LMF1: variants seen among roughly 807,000 people sequenced by gnomAD.
LMF1 encodes lipase maturation factor 1, also known as transmembrane protein 112.
Under a neutral mutation model 60.6 loss-of-function variants are expected in LMF1, and 68 were observed. The ratio of observed to expected loss-of-function variants is 1.12; its 90% CI spans 0.92 to 1.37. The LOEUF (loss-of-function observed/expected upper bound fraction) is 1.37. Ranked by LOEUF, LMF1 falls within the 40% of genes most tolerant of loss-of-function variation. The probability of loss-of-function intolerance (pLI) is 0.00; values close to 1 mark genes in which losing one functional copy is unlikely to be tolerated. For synonymous variants in LMF1, 418 were observed against 324.7 expected, an observed-to-expected ratio of 1.29 and a Z score of -3.09; for missense variants, 948 against 767.2, an observed-to-expected ratio of 1.24 and a Z score of -2.78.
At chr16:963,508 C>T (rs2072858901) in intron 1 of LMF1, among the ~76,000 whole-genome samples, 1 of 151,974 alleles carries the variant, frequency 6.6e-6, no homozygotes, top group Admixed American at 6.5e-5. Flanking sequence ...TGCACATGTA[C>T]ACATGTATGT....
chr16:940,874 A>T (rs957681784), intron 2 of LMF1, among the ~76,000 whole-genome samples: 2 of 152,144 alleles, frequency 1.3e-5, no homozygotes, highest in African/African-American at 2.4e-5. Context: ...TTGTTCTTTC[A>T]ATTATTGAAA....
chr16:934,125 T>C (rs1475172831), intron 3 of LMF1, 119 bp downstream of exon 3: 4 of 1,575,064 alleles, frequency 2.5e-6, no homozygotes, highest in African/African-American at 2.7e-5. Flanking sequence ...CCGTGCATAC[T>C]GGGAAGGCTG....
intron 4 of LMF1, among the ~76,000 whole-genome samples, chr16:908,191 C>T (rs780125955): frequency 6.6e-6 from 1 of 152,252 alleles, no homozygotes; most frequent in African/African-American, 2.4e-5. Context: ...GGACCCACAG[C>T]CTGTGAGAAT....
chr16:921,320 C>A (rs139104182), intron 3 of LMF1, among the ~76,000 whole-genome samples: 2 of 152,220 alleles, frequency 1.3e-5, no homozygotes, highest in East Asian at 3.9e-4. Flanking sequence ...GGTGAACAGT[C>A]GCCATAGCCC....
At chr16:981,341 AGAG>A (rs1223808849), upstream of LMF1, 45 of 275,666 alleles carry the variant, frequency 1.6e-4, no homozygotes, top group African/African-American at 4.6e-4. Context: ...AGAGAGAGAG[AGAG>A]AGAGTGTGTG....
chr16:854,148 G>A lies in LMF1; in HGVS notation c.*384C>T. 1 of 478,618 alleles carries A rather than the reference G, an allele frequency of 2.1e-6. No individual in the cohort carries two copies. Among genetic ancestry groups the A allele is most frequent in the Non-Finnish European group, 4.1e-6 (1 of 243,612 alleles). 29.6% of individuals were successfully genotyped at this position (478,618 alleles called of 1,614,324 possible). A position where few individuals can be genotyped will look rare whatever the true frequency, so the allele number is the denominator to read the frequency against. ...ACAGAAACCAGGCCCTGGGACGCTAGAGACCCCAAGAGCTACCTGGCTGGG... is the reference window on the plus strand; with the variant it reads ...ACAGAAACCAGGCCCTGGGACGCTAAAGACCCCAAGAGCTACCTGGCTGGG... On this transcript the variant is annotated 3_prime_UTR_variant, in exon 11 of 11. Coordinates refer to ENST00000262301, the MANE Select transcript of LMF1 (RefSeq NM_022773.4).
At chr16:898,500 T>C (rs1192259887) in intron 4 of LMF1, among the ~76,000 whole-genome samples, 1 of 152,184 alleles carries the variant, frequency 6.6e-6, no homozygotes, top group African/African-American at 2.4e-5. Flanking sequence ...TGGGTGTCCT[T>C]GAGGCCTTGG....
At position 970,841 on chromosome 16, in the gene LMF1, C is replaced by T. The variant is rs1169726465; in HGVS notation, c.140G>A (p.Gly47Asp). 1.9e-6 allele frequency: 3 copies of T among 1,552,670 alleles called. No individual in the cohort carries two copies. Among genetic ancestry groups the T allele is most frequent in the African/African-American group, 2.8e-5 (2 of 72,096 alleles). ...PAGSPAHLHTGTFWLTRIVLL... is the reference protein window; with the variant it reads ...PAGSPAHLHTDTFWLTRIVLL... ...CACGATCCGGGTCAGCCAGAAGGTG[C>T]CCGTGTGGAGATGGGCCGGAGAGCC... The change falls in exon 1 of 11, where the codon GGC (glycine) becomes GAC (aspartate). Residue 47 changes from glycine (G) to aspartate (D), a missense_variant. Coordinates refer to ENST00000262301, the MANE Select transcript of LMF1 (RefSeq NM_022773.4).
intron 5 of LMF1, among the ~76,000 whole-genome samples, chr16:884,465 C>CA (rs914939649): frequency 1.5e-4 from 23 of 151,864 alleles, no homozygotes; most frequent in African/African-American, 5.3e-4. Context: ...CAATCTCTTT[C>CA]AAAAATGAAG....
chr16:900,681 A>ATGTGTGTGTGTGTGTGTG (rs139778716), intron 4 of LMF1: 15 of 90,854 alleles, frequency 1.7e-4, no homozygotes, highest in Non-Finnish European at 2.5e-4. Context: ...GCTAATTTTT[A>ATGTGTGTGTGTGTGTGTG]TGTGTGTGTG....
At chr16:857,487 C>G (rs62012414) in intron 10 of LMF1, among the ~76,000 whole-genome samples, 24,333 of 33,392 alleles carry the variant, frequency 0.73, 11,077 homozygotes, top group East Asian at 0.79. Context: ...GTGGTGTCAC[C>G]GGACGGGTGT....
At chr16:879,270 C>A (rs560519170) in intron 6 of LMF1, among the ~76,000 whole-genome samples, 2 of 152,180 alleles carry the variant, frequency 1.3e-5, no homozygotes, top group African/African-American at 4.8e-5. Flanking sequence ...AGGGCCTTGG[C>A]GTGCTGACCC....
chr16:893,751 T>G (rs1291609967), intron 4 of LMF1, among the ~76,000 whole-genome samples: 1 of 151,994 alleles, frequency 6.6e-6, no homozygotes, highest in Non-Finnish European at 1.5e-5. Flanking sequence ...CCCGTCTGCT[T>G]TCCCTGGGTC....
intron 4 of LMF1, chr16:900,968 G>C (rs1437599122): frequency 6.6e-6 from 1 of 152,218 alleles, no homozygotes; most frequent in Non-Finnish European, 1.5e-5. Context: ...ACCAAAGTGG[G>C]CTCCAGCAGG....
chr16:959,914 G>C (rs549445479), intron 1 of LMF1, among the ~76,000 whole-genome samples: 1 of 152,336 alleles, frequency 6.6e-6, no homozygotes, highest in African/African-American at 2.4e-5. Flanking sequence ...CCGTGTGCCA[G>C]GTGAGAGTCA....
In LMF1 at chr16:924,157, A is replaced by C. The variant is rs1259538015; in HGVS notation, c.514+10087T>G. Among the ~76,000 whole-genome samples, 3 of 152,388 alleles carry C rather than the reference A, an allele frequency of 2.0e-5. No homozygotes were observed. The East Asian group carries it at 5.8e-4, about 29-fold the overall frequency. Reference sequence around the variant, plus strand: ...CACAGCTATACTGATGATGATGAGAAGAACATTAGGGTGTGTGAGGGCAAT... The same window carrying C: ...CACAGCTATACTGATGATGATGAGACGAACATTAGGGTGTGTGAGGGCAAT... On this transcript the variant is annotated intron_variant, in intron 3 of 10. Coordinates refer to ENST00000262301, the MANE Select transcript of LMF1 (RefSeq NM_022773.4).
Position 869,960 on chromosome 16 carries a change from C to T in LMF1, c.1339G>A (p.Asp447Asn), listed in dbSNP as rs577482583. Residue 447 changes from aspartate (D) to asparagine (N), a missense_variant, in exon 9 of 11, where the codon GAC becomes AAC. Coordinates refer to ENST00000262301, the MANE Select transcript of LMF1 (RefSeq NM_022773.4). ...ATGAGGCAGGGCCGTCTGCTGGGGT[C>T]ACCTGGCTTGCACTTGAACTCGTAG... ...EDYEFKCKPG[D>N]PSRRPCLISP... The T allele has an allele frequency of 6.2e-7, 1 of 1,613,256 alleles. No homozygotes were observed. Among genetic ancestry groups the T allele is most frequent in the Non-Finnish European group, 8.5e-7 (1 of 1,179,876 alleles).
intron 3 of LMF1, among the ~76,000 whole-genome samples, chr16:911,496 GAAA>G (rs1393934691): frequency 1.3e-5 from 2 of 150,110 alleles, no homozygotes; most frequent in Non-Finnish European, 3.0e-5. Flanking sequence ...TCCCAGCCCA[GAAA>G]CAGCATGGGG....
At chr16:895,821 A>T (rs1047937917) in intron 4 of LMF1, among the ~76,000 whole-genome samples, 2 of 151,932 alleles carry the variant, frequency 1.3e-5, no homozygotes, top group East Asian at 3.9e-4. Context: ...CACCACCCAC[A>T]TGCAGGCTGC....
Sources: allele counts gnomAD v4.1 joint callset (sites outside exome capture counted in the v4.1 genomes callset), GRCh38; gene constraint gnomAD v4.1.1; transcripts MANE v1.5; gene names NCBI Gene and HGNC (gene_info 2026-07-23, HGNC 2026-07-21).